The following PUDP variants were observed in gnomAD, a reference collection of about 807,000 sequenced individuals.
The protein encoded by PUDP is pseudouridine-5'-phosphatase.
PUDP carries 8 observed loss-of-function variants against 9.4 expected under a neutral mutation model. That is an observed-to-expected ratio of 0.85 (90% CI 0.50 to 1.53). The LOEUF (loss-of-function observed/expected upper bound fraction) is 1.53, where lower values mean the gene tolerates loss of function less well. PUDP is among the 40% of genes most tolerant of loss of function. PUDP has a pLI of 0.00. For missense variants in PUDP, 188 were observed against 189.7 expected (o/e 0.99, Z 0.05); for synonymous variants, 99 against 80.7 (o/e 1.23, Z -1.22).
At chrX:6,988,604 A>G (rs1030865566) in intron 1 of PUDP, among the ~76,000 whole-genome samples, 1 of 111,711 alleles carries the variant, frequency 9.0e-6, no homozygotes, top group African/African-American at 3.3e-5. Flanking sequence ...GCCTCAGTAA[A>G]TTGACTTAAT....
intron 3 of PUDP, among the ~76,000 whole-genome samples, chrX:6,796,472 C>T (rs1925845375): frequency 8.9e-6 from 1 of 112,083 alleles, no homozygotes; most frequent in Non-Finnish European, 1.9e-5. Flanking sequence ...TAAGGTAAAG[C>T]ACAAACATCC....
intron 3 of PUDP, among the ~76,000 whole-genome samples, chrX:6,964,352 T>C (rs1225231657): frequency 8.9e-6 from 1 of 111,966 alleles, no homozygotes; most frequent in Non-Finnish European, 1.9e-5. Context: ...TTCCCTACTT[T>C]GGGAAGATAC....
At chrX:7,031,882 C>CAAAT (rs1431645585) in intron 1 of PUDP, among the ~76,000 whole-genome samples, 3 of 111,972 alleles carry the variant, frequency 2.7e-5, no homozygotes, top group East Asian at 5.6e-4. Flanking sequence ...ACTCCTTCTA[C>CAAAT]AAATACCTGG....
intron 3 of PUDP, among the ~76,000 whole-genome samples, chrX:6,888,634 A>G (rs1490421639): frequency 9.0e-6 from 1 of 111,165 alleles, no homozygotes; most frequent in Non-Finnish European, 1.9e-5. Flanking sequence ...CGGGCAACAG[A>G]GTGAGACTCC....
intron 1 of PUDP, among the ~76,000 whole-genome samples, chrX:6,718,626 T>C (rs1924627090): frequency 9.0e-6 from 1 of 111,132 alleles, no homozygotes; most frequent in Non-Finnish European, 1.9e-5. Flanking sequence ...GAGTGAGGGA[T>C]AAGAAATTAC....
chrX:6,741,160 C>CAA (rs533050762), intron 3 of PUDP, among the ~76,000 whole-genome samples: 6 of 78,708 alleles, frequency 7.6e-5, no homozygotes, highest in Admixed American at 5.8e-4. Flanking sequence ...ACTCCATCTC[C>CAA]AAAAAAAAAA....
intron 1 of PUDP, among the ~76,000 whole-genome samples, chrX:7,142,959 A>AT (rs1932811370): frequency 9.0e-6 from 1 of 110,870 alleles, no homozygotes; most frequent in African/African-American, 3.3e-5. Context: ...CCAAAAGAGA[A>AT]TTTTTTTGTA....
chrX:6,795,487 G>C (rs1318878808), intron 3 of PUDP, among the ~76,000 whole-genome samples: 1 of 111,467 alleles, frequency 9.0e-6, no homozygotes, highest in Non-Finnish European at 1.9e-5. Flanking sequence ...TGTGTAAAGG[G>C]CTGGATGATG....
At chrX:6,851,959 G>A (rs1050423348) in intron 3 of PUDP, among the ~76,000 whole-genome samples, 1 of 112,466 alleles carries the variant, frequency 8.9e-6, no homozygotes, top group African/African-American at 3.2e-5. Flanking sequence ...ACAGCTCCAA[G>A]GGTGTTTCTG....
intron 1 of PUDP, among the ~76,000 whole-genome samples, chrX:7,026,532 C>G (rs897347059): frequency 1.8e-5 from 2 of 112,075 alleles, no homozygotes; most frequent in Non-Finnish European, 3.8e-5. Context: ...ACCCAGCGTG[C>G]CTTTCTTGAT....
intron 3 of PUDP, among the ~76,000 whole-genome samples, chrX:6,894,861 T>C (rs1927565198): frequency 1.8e-5 from 2 of 111,977 alleles, no homozygotes; most frequent in Non-Finnish European, 3.8e-5. Flanking sequence ...AATCTATTTA[T>C]GTGGGAAGTC....
intron 2 of PUDP, among the ~76,000 whole-genome samples, chrX:7,079,567 G>T: frequency 8.9e-6 from 1 of 112,246 alleles, no homozygotes. Context: ...CTATTATAAG[G>T]ATAAAACTAT....
At chrX:6,932,725 G>A (rs1340481142) in intron 3 of PUDP, among the ~76,000 whole-genome samples, 3 of 112,034 alleles carry the variant, frequency 2.7e-5, no homozygotes, top group African/African-American at 9.7e-5. Context: ...GTCAAAGAAA[G>A]GGGTGACGGA....
At chrX:7,114,801 A>G (rs187075240) in intron 1 of PUDP, among the ~76,000 whole-genome samples, 1 of 112,713 alleles carries the variant, frequency 8.9e-6, no homozygotes, top group East Asian at 2.8e-4. Context: ...TTAATTGTAC[A>G]TATACAAATG....
At chrX:6,774,164 A>C (rs1187809585) in intron 3 of PUDP, among the ~76,000 whole-genome samples, 1 of 111,823 alleles carries the variant, frequency 8.9e-6, no homozygotes, top group African/African-American at 3.3e-5. Flanking sequence ...AAGTGGGCAT[A>C]AATGTGACAC....
At chrX:6,840,770 T>C (rs1293693609) in intron 3 of PUDP, among the ~76,000 whole-genome samples, 1 of 106,153 alleles carries the variant, frequency 9.4e-6, no homozygotes, top group Non-Finnish European at 1.9e-5. Context: ...TGATGTGTCC[T>C]CATAGGTTCA....
In PUDP at chrX:6,738,069, C is replaced by G. The variant is rs748142923; in HGVS notation, c.*248-31603G>C. On this transcript the variant is annotated intron_variant and NMD_transcript_variant, in intron 3 of 3. Transcript: ENST00000655425. Reference sequence around the variant, plus strand: ...AGTAGATGAAGATGCCATCATGGCACCCTAGAAAACCTTGGACAATGCTAG... The same window carrying G: ...AGTAGATGAAGATGCCATCATGGCAGCCTAGAAAACCTTGGACAATGCTAG... 1.6e-3 allele frequency among the ~76,000 whole-genome samples: 173 copies of G among 111,148 alleles called. 2 individuals carry two copies. The highest frequency in any genetic ancestry group is 5.3e-3 in the African/African-American group (162 of 30,601).
chrX:6,714,845 C>T (rs1290698108), intron 1 of PUDP, among the ~76,000 whole-genome samples: 2 of 111,243 alleles, frequency 1.8e-5, no homozygotes, highest in Admixed American at 1.9e-4. Flanking sequence ...TTTATTCCTC[C>T]TTTAACACAT....
intron 3 of PUDP, among the ~76,000 whole-genome samples, chrX:6,910,854 A>G (rs762372710): frequency 8.9e-6 from 1 of 111,950 alleles, no homozygotes. Context: ...GGCAAATACA[A>G]TGACTGGTGA....
Sources: gnomAD v4.1 joint callset for allele counts (sites outside exome capture counted in the v4.1 genomes callset) on GRCh38, gnomAD v4.1.1 for gene constraint, MANE v1.5 for transcripts, NCBI Gene and HGNC (gene_info 2026-07-23, HGNC 2026-07-21) for gene names.